Variants in SPRY4 observed in about 807,000 individuals in gnomAD.
The protein encoded by SPRY4 is protein sprouty homolog 4.
A neutral mutation model predicts 17.0 loss-of-function variants in SPRY4; 7 were observed. The observed-to-expected ratio is 0.41, with a 90% CI of 0.23 to 0.77. The LOEUF (loss-of-function observed/expected upper bound fraction) is 0.77, where lower values mean the gene tolerates loss of function less well. SPRY4 is among the 30% of genes least tolerant of loss of function. The probability of loss-of-function intolerance (pLI) is 0.32; values close to 1 mark genes in which losing one functional copy is unlikely to be tolerated. For missense variants in SPRY4, 435 were observed against 419.9 expected, an observed-to-expected ratio of 1.04 and a Z score of -0.31; for synonymous variants, 183 against 174.1, an observed-to-expected ratio of 1.05 and a Z score of -0.40.
rs191016741 is a variant in SPRY4, at chr5:142,314,830, G to A, written c.279C>T (p.Ser93=). Residue 93 remains serine, a synonymous_variant, in exon 2 of 2, where the codon AGC becomes AGT. Coordinates refer to ENST00000434127, the MANE Select transcript of SPRY4 (RefSeq NM_001127496.3). The surrounding 1 kb of genome is among the most constrained non-coding windows in gnomAD (Gnocchi z 4.8). ...TGCTGCTCACAGAGCTGGGGCGCCCGCTGAAGGAGATCCAATGGTGGGTGA... is the reference window on the plus strand; with the variant it reads ...TGCTGCTCACAGAGCTGGGGCGCCCACTGAAGGAGATCCAATGGTGGGTGA... ...QDVTHHWISF[S]GRPSSVSSSS... 7.6e-6 allele frequency: 12 copies of A among 1,587,212 alleles called. No homozygotes were observed. The African/African-American group carries it at 8.1e-5, about 11-fold the overall frequency.
At position 142,313,359 on chromosome 5, in the gene SPRY4, G is replaced by T; in HGVS notation, c.*850C>A. The T allele has an allele frequency of 6.6e-6, 1 of 152,542 alleles. No homozygotes were observed. Among genetic ancestry groups the T allele is most frequent in the East Asian group, 1.9e-4 (1 of 5,190 alleles). 9.4% of individuals were successfully genotyped at this position (152,542 alleles called of 1,614,324 possible). On this transcript the variant is annotated 3_prime_UTR_variant, in exon 2 of 2. Transcript: ENST00000434127. ...AATGATATTTGGTCTCGCATTTGCC[G>T]CCCTGGCTTCCTCTACCCATATAAA... is the stretch of plus-strand genomic sequence containing the variant.
rs1236058786 is a variant in SPRY4 at position 142,311,796 on chromosome 5, G to A, written c.*2413C>T. On this transcript the variant is annotated 3_prime_UTR_variant, in exon 2 of 2. Transcript: ENST00000434127. ...ACCAAGAAGAACAAGCTAGAACAGG[G>A]GCAGGGGGAAAAAAGGAAAAAGCAA... 2 of 152,636 alleles carry A rather than the reference G, an allele frequency of 1.3e-5. No homozygotes were observed. Among genetic ancestry groups the A allele is most frequent in the Non-Finnish European group, 2.9e-5 (2 of 68,212 alleles). 9.5% of individuals were successfully genotyped at this position (152,636 alleles called of 1,614,324 possible).
chr5:142,311,370 GAACT>G lies in SPRY4; in HGVS notation c.*2835_*2838del, dbSNP rs1758902130. 6.6e-6 allele frequency: 1 copy of G among 152,200 alleles called. No homozygotes were observed. Among genetic ancestry groups the G allele is most frequent in the Admixed American group, 6.6e-5 (1 of 15,266 alleles). The allele number at this position is 152,200 out of a possible 1,614,324, so 9.4% of individuals were successfully genotyped here. ...CCTACCCCAGGTTTACCAGGGGCGG[GAACT>G]AACCAGCACTTTTCAAAAAAGGTCA... is the stretch of plus-strand genomic sequence containing the variant. On this transcript the variant is annotated 3_prime_UTR_variant, in exon 2 of 2. Transcript: ENST00000434127.
At position 142,319,782 on chromosome 5, in the gene SPRY4, C is replaced by T. The variant is rs1308851169; in HGVS notation, c.-47-4627G>A. 3 of 1,611,650 alleles carry T rather than the reference C, an allele frequency of 1.9e-6. No individual in the cohort carries two copies. In the African/African-American group the frequency reaches 4.0e-5, roughly 22 times the overall value. On this transcript the variant is annotated intron_variant, in intron 1 of 1. Coordinates refer to ENST00000434127, the MANE Select transcript of SPRY4 (RefSeq NM_001127496.3). ...GCTGAGCATCAGGCTGCAAACCGCTCAATACAGGCTGGCTGAAAAGAATCA... is the reference window on the plus strand; with the variant it reads ...GCTGAGCATCAGGCTGCAAACCGCTTAATACAGGCTGGCTGAAAAGAATCA...
At chr5:142,321,921 T>C (rs1759354893) in intron 1 of SPRY4, among the ~76,000 whole-genome samples, 1 of 152,238 alleles carries the variant, frequency 6.6e-6, no homozygotes, top group African/African-American at 2.4e-5. Flanking sequence ...TCCCCACATA[T>C]GGTCCCAAAG....
chr5:142,321,504 G>A (rs1471593986), intron 1 of SPRY4, among the ~76,000 whole-genome samples: 2 of 152,206 alleles, frequency 1.3e-5, no homozygotes, highest in African/African-American at 4.8e-5. Context: ...TCCTTTCAGG[G>A]AGATAAGGTC....
chr5:142,319,689 C>T (rs1416896963), intron 1 of SPRY4: 4 of 1,592,550 alleles, frequency 2.5e-6, no homozygotes, highest in Non-Finnish European at 2.6e-6. Context: ...GTATTTGCTG[C>T]TTGGCGGGTC....
intron 1 of SPRY4, among the ~76,000 whole-genome samples, chr5:142,319,524 C>T (rs1297805974): frequency 6.6e-6 from 1 of 152,174 alleles, no homozygotes; most frequent in African/African-American, 2.4e-5. Flanking sequence ...CTCTACTCCT[C>T]CCCACCTATC....
At chr5:142,320,528 G>A (rs1391355708) in intron 1 of SPRY4, among the ~76,000 whole-genome samples, 5 of 152,024 alleles carry the variant, frequency 3.3e-5, no homozygotes, top group Non-Finnish European at 7.3e-5. Flanking sequence ...GAATCTTGCT[G>A]GACTTTGGGC....
Position 142,321,898 on chromosome 5 carries a change from C to G in SPRY4, c.-48+2946G>C, listed in dbSNP as rs562880279. Reference sequence around the variant, plus strand: ...ATGTCAAACAACAAGACATTCAGCCCTGTAAACTGGAATCCCCACATATGG... The same window carrying G: ...ATGTCAAACAACAAGACATTCAGCCGTGTAAACTGGAATCCCCACATATGG... On this transcript the variant is annotated intron_variant, in intron 1 of 1. Transcript: ENST00000434127. 4.9e-3 allele frequency among the ~76,000 whole-genome samples: 750 copies of G among 152,344 alleles called. 2 individuals carry two copies. The highest frequency in any genetic ancestry group is 8.6e-3 in the Non-Finnish European group (583 of 68,026).
chr5:142,324,721 C>G (rs1395632663), intron 1 of SPRY4, 123 bp downstream of exon 1: 1 of 152,738 alleles, frequency 6.5e-6, no homozygotes, highest in African/African-American at 2.4e-5. Context: ...GAGGCGCAGG[C>G]TGAGGGAAGG....
chr5:142,323,313 A>G (rs935168273), intron 1 of SPRY4, among the ~76,000 whole-genome samples: 10 of 152,290 alleles, frequency 6.6e-5, no homozygotes, highest in Admixed American at 2.6e-4. Context: ...CCCCTCTGCA[A>G]GTTCTTTGGC....
chr5:142,315,440 T>G (rs1310749828), intron 1 of SPRY4: 2 of 363,884 alleles, frequency 5.5e-6, no homozygotes, highest in East Asian at 8.2e-5. Context: ...GTAACTACTA[T>G]TATCCCCCTT....
intron 1 of SPRY4, chr5:142,318,213 A>G (rs1759225328): frequency 1.0e-6 from 1 of 982,332 alleles, no homozygotes; most frequent in Non-Finnish European, 1.2e-6. Flanking sequence ...GGCCTGGCGC[A>G]GTGGCTCATG....
At chr5:142,316,798 A>G (rs996357167) in intron 1 of SPRY4, among the ~76,000 whole-genome samples, 7 of 152,226 alleles carry the variant, frequency 4.6e-5, no homozygotes, top group African/African-American at 1.7e-4. Flanking sequence ...TATCACTTAC[A>G]CTGCTAAATC....
At chr5:142,315,387 C>T (rs1759116793) in intron 1 of SPRY4, 4 of 490,248 alleles carry the variant, frequency 8.2e-6, no homozygotes, top group Non-Finnish European at 1.4e-5. Flanking sequence ...CTCTCCTAAG[C>T]ACCATATGCA....
intron 1 of SPRY4, among the ~76,000 whole-genome samples, chr5:142,322,483 A>AATAT (rs751790052): frequency 0.023 from 2,692 of 117,448 alleles, 46 homozygotes; most frequent in Middle Eastern, 0.042. Context: ...AAAAAAAAAA[A>AATAT]ATATATATAT....
chr5:142,315,181 G>A (rs1759109275), intron 1 of SPRY4, 26 bp from the exon 2 acceptor site: 1 of 1,450,576 alleles, frequency 6.9e-7, no homozygotes, highest in East Asian at 2.3e-5. Flanking sequence ...GGAAAAGGAA[G>A]AGAGAATGGA....
chr5:142,314,417 C>T lies in SPRY4; in HGVS notation c.692G>A (p.Cys231Tyr). 1.2e-6 allele frequency: 2 copies of T among 1,613,974 alleles called. No individual in the cohort carries two copies. The highest frequency in any genetic ancestry group is 1.7e-5 in the Admixed American group (1 of 59,994). The part of the protein sequence containing the change: ...DHPCSCSRSN[C>Y]CARWSFMGAL... Reference sequence around the variant, plus strand: ...ACCCATGAAGGACCAGCGGGCGCAGCAGTTGGAGCGGGAGCAGGAGCAGGG... The same window carrying T: ...ACCCATGAAGGACCAGCGGGCGCAGTAGTTGGAGCGGGAGCAGGAGCAGGG... The change falls in exon 2 of 2, where the codon TGC becomes TAC. Residue 231 changes from cysteine (C) to tyrosine (Y), a missense_variant. Transcript: ENST00000434127. The surrounding 1 kb of genome is among the most constrained non-coding windows in gnomAD (Gnocchi z 4.8).
Sources: allele counts gnomAD v4.1 joint callset (sites outside exome capture counted in the v4.1 genomes callset), GRCh38; gene constraint gnomAD v4.1.1; non-coding constraint Gnocchi (gnomAD v3.1); transcripts MANE v1.5; gene names NCBI Gene and HGNC (gene_info 2026-07-23, HGNC 2026-07-21).